Variants in CORO2A observed in about 807,000 individuals in gnomAD.
CORO2A encodes coronin 2A.
CORO2A carries 47 observed loss-of-function variants against 62.4 expected under a neutral mutation model. The ratio of observed to expected loss-of-function variants is 0.75; its 90% confidence interval spans 0.60 to 0.96. The LOEUF (loss-of-function observed/expected upper bound fraction) is 0.96. Among genes scored for constraint, CORO2A ranks in the 40% least tolerant of loss-of-function variants. The pLI is 0.00. For missense variants in CORO2A, 610 were observed against 684.1 expected, an observed-to-expected ratio of 0.89 and a Z score of 1.21; for synonymous variants, 273 against 268.9, an observed-to-expected ratio of 1.02 and a Z score of -0.15.
intron 1 of CORO2A, among the ~76,000 whole-genome samples, chr9:98,160,517 T>C (rs1056638467): frequency 6.6e-6 from 1 of 152,176 alleles, no homozygotes; most frequent in South Asian, 2.1e-4. Flanking sequence ...ATCTTTTCTC[T>C]ATAGTGAGTT....
At chr9:98,141,084 TTA>T (rs1827558773) in intron 2 of CORO2A, among the ~76,000 whole-genome samples, 2 of 151,946 alleles carry the variant, frequency 1.3e-5, no homozygotes, top group Non-Finnish European at 2.9e-5. Context: ...AAACAAAAAA[TTA>T]TACACACACC....
rs1827803415 is a variant in CORO2A at position 98,156,413 on chromosome 9, T to C, written c.201+1047A>G. ...TTTTCTAATATAAGCATTAGTGCTATAGATTTCCCTTGAAGCCCCACTTTC... is the reference window on the plus strand; with the variant it reads ...TTTTCTAATATAAGCATTAGTGCTACAGATTTCCCTTGAAGCCCCACTTTC... On this transcript the variant is annotated intron_variant, in intron 2 of 11. Coordinates refer to ENST00000375077, the MANE Select transcript of CORO2A (RefSeq NM_052820.4). 5.9e-5 allele frequency among the ~76,000 whole-genome samples: 9 copies of C among 152,208 alleles called. No homozygotes were observed. The South Asian group carries it at 1.9e-3, about 32-fold the overall frequency.
chr9:98,133,162 G>A lies in CORO2A; in HGVS notation c.524C>T (p.Thr175Met), dbSNP rs764707566. ...KESVITSPMS[T>M]ISCHQDVILS... is the part of the protein sequence containing the mutation. ...GATCACATCTTGGTGACAGCTAATC[G>A]TACTCATGGGGCTTGTGATGACAGA... The change falls in exon 5 of 12, where the codon ACG becomes ATG. Residue 175 changes from threonine (T) to methionine (M), a missense_variant. Thr to Met is a moderately conservative substitution (Grantham distance 81). Transcript: ENST00000375077. 3.5e-5 allele frequency: 56 copies of A among 1,614,094 alleles called. No homozygotes were observed. Among genetic ancestry groups the A allele is most frequent in the Admixed American group, 2.2e-4 (13 of 60,006 alleles).
At chr9:98,149,688 T>C (rs1827696863) in intron 2 of CORO2A, among the ~76,000 whole-genome samples, 2 of 152,164 alleles carry the variant, frequency 1.3e-5, no homozygotes, top group African/African-American at 4.8e-5. Context: ...GCTGCCCCCA[T>C]GACCCAAACA....
chr9:98,126,612 C>T lies in CORO2A; in HGVS notation c.1383G>A (p.Lys461=). ...RWAAEHRLEE[K]KTWLTNGFDV... ...CAAAGCCATTTGTCAGCCAGGTTTTCTTCTCCTCCAGCCTGTGTTCTGCTG... is the reference window on the plus strand; with the variant it reads ...CAAAGCCATTTGTCAGCCAGGTTTTTTTCTCCTCCAGCCTGTGTTCTGCTG... The change falls in exon 11 of 12, where the codon AAG becomes AAA. Residue 461 remains lysine, a synonymous_variant. Coordinates refer to ENST00000375077, the MANE Select transcript of CORO2A (RefSeq NM_052820.4). 6.2e-7 allele frequency: 1 copy of T among 1,614,126 alleles called. No homozygotes were observed.
chr9:98,126,825 T>C lies in CORO2A; in HGVS notation c.1172-2A>G. The stretch of plus-strand genomic sequence containing the variant: ...GCCTAAGGGACACCAGGATTGGGTC[T>C]GGAAGGGAAGCAGAGCCATGTGAGG... On this transcript the variant is annotated splice_acceptor_variant, in intron 10 of 11. Coordinates refer to ENST00000375077, the MANE Select transcript of CORO2A (RefSeq NM_052820.4). LOFTEE classifies it high-confidence loss of function. 1 of 1,614,068 alleles carries C rather than the reference T, an allele frequency of 6.2e-7. No homozygotes were observed. Among genetic ancestry groups the C allele is most frequent in the Non-Finnish European group, 8.5e-7 (1 of 1,179,980 alleles).
At chr9:98,148,700 TATGA>T (rs1322046447) in intron 2 of CORO2A, among the ~76,000 whole-genome samples, 3 of 151,194 alleles carry the variant, frequency 2.0e-5, no homozygotes, top group African/African-American at 7.3e-5. Flanking sequence ...TGCAGTGAGA[TATGA>T]TCATGCCACT....
intron 1 of CORO2A, among the ~76,000 whole-genome samples, chr9:98,178,236 G>C (rs75635996): frequency 1.3e-5 from 2 of 151,892 alleles, no homozygotes; most frequent in Non-Finnish European, 2.9e-5. Context: ...TCCTTGAGGC[G>C]GGGATTTGCT....
intron 1 of CORO2A, among the ~76,000 whole-genome samples, chr9:98,163,767 AG>A (rs1325903810): frequency 0.013 from 1,894 of 150,630 alleles, 39 homozygotes; most frequent in African/African-American, 0.044. Context: ...AGAGAGAGAG[AG>A]AGAGAGAAAG....
rs1334536709 is a variant in CORO2A, at chr9:98,171,479, G to A, written c.1-13819C>T. ...AGATGCATGGGCAGACCCAGACAGC[G>A]TCACTTATGGGGGAGCTCAGAGGAT... On this transcript the variant is annotated intron_variant, in intron 1 of 11. Coordinates refer to ENST00000375077, the MANE Select transcript of CORO2A (RefSeq NM_052820.4). Among the ~76,000 whole-genome samples, 5 of 152,230 alleles carry A rather than the reference G, an allele frequency of 3.3e-5. No homozygotes were observed. The East Asian group carries it at 5.8e-4, about 18-fold the overall frequency.
At chr9:98,163,492 G>C (rs1827914381) in intron 1 of CORO2A, among the ~76,000 whole-genome samples, 1 of 152,126 alleles carries the variant, frequency 6.6e-6, no homozygotes, top group Non-Finnish European at 1.5e-5. Context: ...GCCCGGCCTT[G>C]AGTTTATTTC....
At chr9:98,189,692 A>C (rs1485131435) in intron 1 of CORO2A, among the ~76,000 whole-genome samples, 3 of 143,960 alleles carry the variant, frequency 2.1e-5, no homozygotes, top group African/African-American at 5.2e-5. Context: ...GGGAAGAGGA[A>C]GACTTCAATC....
At chr9:98,136,838 T>C (rs1827491700) in intron 3 of CORO2A, among the ~76,000 whole-genome samples, 3 of 152,204 alleles carry the variant, frequency 2.0e-5, no homozygotes, top group Admixed American at 2.0e-4. Flanking sequence ...ATTTTAATCA[T>C]CTGATCATAT....
At chr9:98,148,433 A>AT (rs1827675189) in intron 2 of CORO2A, among the ~76,000 whole-genome samples, 1 of 151,118 alleles carries the variant, frequency 6.6e-6, no homozygotes, top group Non-Finnish European at 1.5e-5. Flanking sequence ...ATAAATAAAA[A>AT]TTTAAAAAAA....
At chr9:98,182,351 C>T (rs988284304) in intron 1 of CORO2A, among the ~76,000 whole-genome samples, 1 of 152,132 alleles carries the variant, frequency 6.6e-6, no homozygotes, top group Non-Finnish European at 1.5e-5. Context: ...CAGGGCAGGC[C>T]ACACAGGCCG....
At chr9:98,152,820 C>A (rs1351537247) in intron 2 of CORO2A, among the ~76,000 whole-genome samples, 1 of 152,054 alleles carries the variant, frequency 6.6e-6, no homozygotes, top group East Asian at 1.9e-4. Context: ...GAACAACTGA[C>A]CTTTACTCCT....
At chr9:98,138,260 C>T (rs1363665826) in intron 2 of CORO2A, among the ~76,000 whole-genome samples, 2 of 151,920 alleles carry the variant, frequency 1.3e-5, no homozygotes, top group African/African-American at 4.8e-5. Flanking sequence ...ACTAAAAATA[C>T]AAAAATTAGC....
Position 98,134,821 on chromosome 9 carries a change from A to G in CORO2A, c.453T>C (p.Ala151=), listed in dbSNP as rs1259658209. The G allele has an allele frequency of 6.2e-7, 1 of 1,613,244 alleles. No homozygotes were observed. Among genetic ancestry groups the G allele is most frequent in the Admixed American group, 1.7e-5 (1 of 59,904 alleles). ...CCAGACTCACCTTGTAGTCATAGCC[A>G]GCACTGAAGAGGATGTTGGCGGCCG... The part of the protein sequence containing the change: ...HPTAANILFS[A]GYDYKVMIWN... The change falls in exon 4 of 12, where the codon GCT becomes GCC. Residue 151 remains alanine (A), a synonymous_variant. Transcript: ENST00000375077.
Position 98,126,619 on chromosome 9 carries a change from T to C in CORO2A, c.1376A>G (p.Glu459Gly). 2.5e-6 allele frequency: 4 copies of C among 1,614,058 alleles called. No homozygotes were observed. The highest frequency in any genetic ancestry group is 3.4e-6 in the Non-Finnish European group (4 of 1,180,016). ...ATTTGTCAGCCAGGTTTTCTTCTCCTCCAGCCTGTGTTCTGCTGCCCACCT... is the reference window on the plus strand; with the variant it reads ...ATTTGTCAGCCAGGTTTTCTTCTCCCCCAGCCTGTGTTCTGCTGCCCACCT... ...MPRWAAEHRLEEKKTWLTNGF... is the reference protein window; with the variant it reads ...MPRWAAEHRLGEKKTWLTNGF... The change falls in exon 11 of 12, where the codon GAG becomes GGG. Residue 459 changes from glutamate (E) to glycine (G), a missense_variant. Transcript: ENST00000375077.
Sources: gnomAD v4.1 joint callset for allele counts (sites outside exome capture counted in the v4.1 genomes callset) on GRCh38, gnomAD v4.1.1 for gene constraint, MANE v1.5 for transcripts, NCBI Gene and HGNC (gene_info 2026-07-23, HGNC 2026-07-21) for gene names.